RBMS3: variants seen among roughly 807,000 people sequenced by gnomAD.
RBMS3 encodes the protein RNA-binding motif, single-stranded-interacting protein 3.
Under a neutral mutation model 66.8 loss-of-function variants are expected in RBMS3, and 27 were observed. That is an observed-to-expected ratio of 0.40 (90% confidence interval 0.30 to 0.56). The LOEUF is 0.56. Ranked by LOEUF, RBMS3 falls within the 20% of genes least tolerant of loss-of-function variation. The pLI is 0.40. For missense variants in RBMS3, 513 were observed against 549.5 expected (o/e 0.93, Z 0.66); for synonymous variants, 188 against 183.0 (o/e 1.03, Z -0.22).
At chr3:29,803,841 G>A (rs2057461200) in intron 6 of RBMS3, among the ~76,000 whole-genome samples, 1 of 151,934 alleles carries the variant, frequency 6.6e-6, no homozygotes, top group Non-Finnish European at 1.5e-5. Context: ...TCAAGAAACT[G>A]CAATTATTGT....
chr3:29,989,212 A>C (rs1698655011), intron 13 of RBMS3, among the ~76,000 whole-genome samples: 5 of 152,086 alleles, frequency 3.3e-5, no homozygotes, highest in African/African-American at 1.2e-4. Context: ...TGCTGCTTTC[A>C]TTCTCTCTTT....
chr3:29,675,593 C>T (rs1337647226), intron 4 of RBMS3, among the ~76,000 whole-genome samples: 1 of 152,114 alleles, frequency 6.6e-6, no homozygotes, highest in Non-Finnish European at 1.5e-5. Context: ...AAAAATCAAA[C>T]AACCCCATCA....
chr3:29,585,033 A>T (rs933074346), intron 3 of RBMS3, among the ~76,000 whole-genome samples: 1 of 152,164 alleles, frequency 6.6e-6, no homozygotes, highest in Admixed American at 6.6e-5. Flanking sequence ...ATTCATTTGT[A>T]TGGTTATTTG....
chr3:29,878,044 G>A (rs1321050421), intron 7 of RBMS3, among the ~76,000 whole-genome samples: 1 of 152,058 alleles, frequency 6.6e-6, no homozygotes, highest in African/African-American at 2.4e-5. Context: ...TGGTTTCAGG[G>A]TGAAGCTCTT....
At chr3:29,871,494 A>G (rs1431204676) in intron 7 of RBMS3, among the ~76,000 whole-genome samples, 1 of 152,044 alleles carries the variant, frequency 6.6e-6, no homozygotes, top group Non-Finnish European at 1.5e-5. Context: ...TTCATTTACC[A>G]TTATACTAAG....
At chr3:29,733,932 A>T (rs2054249856) in intron 4 of RBMS3, among the ~76,000 whole-genome samples, 1 of 152,064 alleles carries the variant, frequency 6.6e-6, no homozygotes, top group South Asian at 2.1e-4. Flanking sequence ...ATTTTTGTAT[A>T]TGGTGAATTA....
rs35620954 is a variant in RBMS3, at chr3:29,701,661, G to A, written c.400-38059G>A. Among the ~76,000 whole-genome samples, 1,517 of 152,290 alleles carry A rather than the reference G, an allele frequency of 1.0e-2. 14 individuals are homozygous for A. The highest frequency in any genetic ancestry group is 0.016 in the Non-Finnish European group (1,112 of 68,000). On this transcript the variant is annotated intron_variant, in intron 4 of 14. Transcript: ENST00000383767. ...GGGTGGGCGTGGGCTGGGCGGGCCC[G>A]CACTCGGAGAGGCTGGCCGGCGCCA... is the stretch of plus-strand genomic sequence containing the variant.
At chr3:29,378,310 A>G (rs2038582689) in intron 1 of RBMS3, among the ~76,000 whole-genome samples, 4 of 152,112 alleles carry the variant, frequency 2.6e-5, no homozygotes, top group Admixed American at 2.6e-4. Flanking sequence ...GTTTCTACTA[A>G]AAATACAAAA....
At chr3:29,490,975 G>C (rs1559406651) in intron 3 of RBMS3, among the ~76,000 whole-genome samples, 1 of 152,126 alleles carries the variant, frequency 6.6e-6, no homozygotes, top group African/African-American at 2.4e-5. Flanking sequence ...CATAACCGGA[G>C]CGGTCAATAT....
chr3:29,797,564 C>G (rs2057243509), intron 6 of RBMS3: 1 of 152,200 alleles, frequency 6.6e-6, no homozygotes, highest in Non-Finnish European at 1.5e-5. Context: ...TTTGCATTCA[C>G]AGCTTGGCTA....
intron 1 of RBMS3, among the ~76,000 whole-genome samples, chr3:29,329,946 T>C (rs1293522918): frequency 6.7e-6 from 1 of 149,234 alleles, no homozygotes; most frequent in Non-Finnish European, 1.5e-5. Flanking sequence ...AATATAACTT[T>C]TGTTATATTC....
intron 2 of RBMS3, among the ~76,000 whole-genome samples, chr3:29,457,109 G>A (rs1259704277): frequency 6.6e-6 from 1 of 152,130 alleles, no homozygotes; most frequent in Non-Finnish European, 1.5e-5. Context: ...AGTTGACACA[G>A]TCAGGTTTGA....
rs754535675 is a variant in RBMS3, at chr3:29,739,825, A to G, written c.505A>G (p.Thr169Ala). The change falls in exon 5 of 15, where the codon ACA (threonine) becomes GCA (alanine). Residue 169 changes from threonine to alanine, a missense_variant. Thr to Ala is a moderately conservative substitution (Grantham distance 58). Transcript: ENST00000383767. ...MLKPFGHVIS[T>A]RILRDANGVS... Reference sequence around the variant, plus strand: ...GAAACCCTTTGGACATGTCATTTCCACAAGAATACTAAGAGACGCTAATGG... The same window carrying G: ...GAAACCCTTTGGACATGTCATTTCCGCAAGAATACTAAGAGACGCTAATGG... 1.2e-6 allele frequency: 2 copies of G among 1,613,218 alleles called. No individual in the cohort carries two copies. The highest frequency in any genetic ancestry group is 2.2e-5 in the East Asian group (1 of 44,842).
At chr3:29,824,011 G>T (rs1017681107) in intron 6 of RBMS3, among the ~76,000 whole-genome samples, 6 of 152,022 alleles carry the variant, frequency 3.9e-5, no homozygotes, top group African/African-American at 7.2e-5. Flanking sequence ...AGGAAATTTA[G>T]CCATTAATGG....
chr3:29,588,110 T>C (rs2047597607), intron 4 of RBMS3, among the ~76,000 whole-genome samples: 1 of 152,110 alleles, frequency 6.6e-6, no homozygotes, highest in Non-Finnish European at 1.5e-5. Context: ...CAATGTCTTA[T>C]AAATCTATAA....
At chr3:29,556,200 C>A (rs986283386) in intron 3 of RBMS3, 2 of 152,108 alleles carry the variant, frequency 1.3e-5, no homozygotes, top group Non-Finnish European at 1.5e-5. Context: ...GAATTATTTT[C>A]TAATTAATGT....
chr3:29,389,009 A>G (rs1481923553), intron 1 of RBMS3, among the ~76,000 whole-genome samples: 2 of 152,194 alleles, frequency 1.3e-5, no homozygotes, highest in Non-Finnish European at 2.9e-5. Flanking sequence ...TCATCTCTTG[A>G]TTTTTTAAAA....
At chr3:29,596,420 A>T (rs2047944366) in intron 4 of RBMS3, among the ~76,000 whole-genome samples, 1 of 152,218 alleles carries the variant, frequency 6.6e-6, no homozygotes, top group African/African-American at 2.4e-5. Flanking sequence ...AGGCAAGGAG[A>T]CAGACAAACG....
At chr3:29,958,146 T>C (rs191610487) in intron 12 of RBMS3, among the ~76,000 whole-genome samples, 13 of 152,312 alleles carry the variant, frequency 8.5e-5, no homozygotes, top group African/African-American at 2.9e-4. Context: ...CCCTTTCATC[T>C]AGCAGAAAAG....
Sources: allele counts gnomAD v4.1 joint callset (sites outside exome capture counted in the v4.1 genomes callset), GRCh38; gene constraint gnomAD v4.1.1; transcripts MANE v1.5; gene names NCBI Gene and HGNC (gene_info 2026-07-23, HGNC 2026-07-21).